MLLT10: variants seen among roughly 807,000 people sequenced by gnomAD.
MLLT10 encodes MLLT10 histone lysine methyltransferase DOT1L cofactor, also known as protein AF-10.
In MLLT10, 30 loss-of-function variants were observed where a neutral mutation model predicts 129.1. The ratio of observed to expected loss-of-function variants is 0.23; its 90% confidence interval spans 0.17 to 0.32. The LOEUF is 0.32. Among genes scored for constraint, MLLT10 ranks in the 10% least tolerant of loss-of-function variants. The pLI, the probability that MLLT10 is intolerant of heterozygous loss-of-function variation, is 1.00. For synonymous variants in MLLT10, 490 were observed against 446.4 expected (o/e 1.10, Z -1.23); for missense variants, 1,119 against 1,268.3 (o/e 0.88, Z 1.79).
In MLLT10 at chr10:21,689,616, T is replaced by TAC. The variant is rs1449363406; in HGVS notation, c.1699+7360_1699+7361insCA. Among the ~76,000 whole-genome samples the TAC allele has an allele frequency of 3.5e-3, 489 of 140,746 alleles. 3 individuals are homozygous for TAC. The highest frequency in any genetic ancestry group is 0.012 in the African/African-American group (450 of 37,720). The allele number at this position is 140,746 out of a possible 152,430, so 92.3% of individuals were successfully genotyped here. ...CGTGTGTGTTTTATATATATATATA[T>TAC]ATACACACACACACACACACACATT... On this transcript the variant is annotated intron_variant, in intron 13 of 22. Transcript: ENST00000307729.
chr10:21,628,431 CTTTTT>C (rs774410121), intron 8 of MLLT10, among the ~76,000 whole-genome samples: 4 of 115,990 alleles, frequency 3.4e-5, no homozygotes, highest in South Asian at 2.7e-4. Flanking sequence ...GATGCTCTCT[CTTTTT>C]TTTTTTTTTT....
chr10:21,648,479 A>G (rs2048724312), intron 8 of MLLT10, among the ~76,000 whole-genome samples: 1 of 152,146 alleles, frequency 6.6e-6, no homozygotes, highest in African/African-American at 2.4e-5. Context: ...TTTGTTATTC[A>G]GGATCATTCA....
chr10:21,547,403 CTT>C (rs756393852), intron 3 of MLLT10, among the ~76,000 whole-genome samples: 52 of 119,114 alleles, frequency 4.4e-4, no homozygotes, highest in Non-Finnish European at 4.5e-4. Flanking sequence ...CTGCTGTTTT[CTT>C]TTTTTTTTTT....
chr10:21,548,918 C>G (rs980034507), intron 3 of MLLT10, among the ~76,000 whole-genome samples: 1 of 151,940 alleles, frequency 6.6e-6, no homozygotes, highest in Admixed American at 6.6e-5. Context: ...TCTTTGTTAA[C>G]TCTGGTGATA....
intron 2 of MLLT10, among the ~76,000 whole-genome samples, chr10:21,535,286 G>C (rs964554746): frequency 2.9e-4 from 44 of 152,202 alleles, no homozygotes; most frequent in Non-Finnish European, 4.7e-4. Context: ...GCTCGGGAAC[G>C]CGGCGCCAGT....
chr10:21,635,283 T>C (rs543321589), intron 8 of MLLT10, among the ~76,000 whole-genome samples: 11 of 152,244 alleles, frequency 7.2e-5, no homozygotes, highest in Non-Finnish European at 1.6e-4. Context: ...TTTCCTTACC[T>C]CCTTGTATTT....
chr10:21,627,491 A>C (rs1277950548), intron 8 of MLLT10, among the ~76,000 whole-genome samples: 2 of 152,194 alleles, frequency 1.3e-5, no homozygotes, highest in Non-Finnish European at 2.9e-5. Context: ...CACAAGTTGC[A>C]TTTAGCTGTC....
intron 5 of MLLT10, among the ~76,000 whole-genome samples, chr10:21,600,368 AACACACACACAC>A (rs199618726): frequency 2.1e-4 from 31 of 144,544 alleles, no homozygotes; most frequent in African/African-American, 6.6e-4. Flanking sequence ...CCTGAGATAG[AACACACACACAC>A]ACACACACAC....
chr10:21,670,477 T>C lies in MLLT10; in HGVS notation c.824T>C (p.Ile275Thr), dbSNP rs777202589. ...TATACAAGCACTAGCAACAACTCTA[T>C]ATCTGGATCATTGAAGCGCTTGGAA... ...KTYTSTSNNS[I>T]SGSLKRLEDT... Residue 275 changes from isoleucine (I) to threonine (T), a missense_variant, in exon 10 of 23, where the codon ATA becomes ACA. Around this residue, in one of 5 missense-constraint regions of MLLT10, gnomAD observed 1,004 missense variants for 1,008.7 expected, o/e 1.00. Transcript: ENST00000307729. 5.0e-6 allele frequency: 8 copies of C among 1,613,942 alleles called. No individual in the cohort carries two copies. The highest frequency in any genetic ancestry group is 5.1e-6 in the Non-Finnish European group (6 of 1,179,980).
chr10:21,681,210 A>G (rs1430908782), intron 11 of MLLT10, 122 bp from the exon 12 acceptor site: 37 of 1,215,474 alleles, frequency 3.0e-5, no homozygotes, highest in East Asian at 4.8e-5. Context: ...TTGAAGTTCT[A>G]GGTGGCCTAC....
intron 3 of MLLT10, among the ~76,000 whole-genome samples, chr10:21,567,062 C>T (rs1489283833): frequency 6.6e-6 from 1 of 152,180 alleles, no homozygotes; most frequent in Admixed American, 6.5e-5. Context: ...ATCCACCCAC[C>T]TCGGCCTCCC....
intron 15 of MLLT10, among the ~76,000 whole-genome samples, chr10:21,727,325 T>G (rs928260851): frequency 1.3e-5 from 2 of 152,224 alleles, no homozygotes; most frequent in Non-Finnish European, 2.9e-5. Flanking sequence ...TCCTACTTGT[T>G]TTTGTCAATT....
chr10:21,699,476 T>G (rs932672650), intron 13 of MLLT10, among the ~76,000 whole-genome samples: 6 of 152,148 alleles, frequency 3.9e-5, no homozygotes, highest in African/African-American at 9.7e-5. Context: ...AGTGTTTTCC[T>G]TGTGTTTTCT....
intron 8 of MLLT10, among the ~76,000 whole-genome samples, chr10:21,649,708 A>T (rs1481552021): frequency 6.6e-6 from 1 of 152,166 alleles, no homozygotes; most frequent in Non-Finnish European, 1.5e-5. Flanking sequence ...GTGTGGAATG[A>T]TTCTTTACAT....
chr10:21,541,983 T>G (rs1196479145), intron 3 of MLLT10, among the ~76,000 whole-genome samples: 1 of 152,212 alleles, frequency 6.6e-6, no homozygotes, highest in Non-Finnish European at 1.5e-5. Flanking sequence ...TGACTTTTTT[T>G]TCTTTGTATC....
Position 21,716,983 on chromosome 10 carries a change from G to A in MLLT10, c.1878+3033G>A, listed in dbSNP as rs1276360319. On this transcript the variant is annotated intron_variant, in intron 14 of 22. Transcript: ENST00000307729. ...TTAAGAACTGTTCCCTGGGCCGGGC[G>A]CAGTGGCTCACACCTGTAATCCCAG... Among the ~76,000 whole-genome samples, 6 of 151,954 alleles carry A rather than the reference G, an allele frequency of 3.9e-5. No individual in the cohort carries two copies. In the South Asian group the frequency reaches 8.3e-4, roughly 21 times the overall value.
chr10:21,587,793 T>C (rs2042131637), intron 4 of MLLT10, among the ~76,000 whole-genome samples: 1 of 152,210 alleles, frequency 6.6e-6, no homozygotes, highest in Non-Finnish European at 1.5e-5. Context: ...GACTATGTTA[T>C]ACAGTCAGAT....
intron 8 of MLLT10, among the ~76,000 whole-genome samples, chr10:21,636,693 G>C (rs2047499208): frequency 6.6e-6 from 1 of 151,784 alleles, no homozygotes; most frequent in Non-Finnish European, 1.5e-5. Context: ...TCCTGCCTCA[G>C]CTTCCCAAGT....
intron 10 of MLLT10, among the ~76,000 whole-genome samples, chr10:21,671,381 C>T (rs987245487): frequency 2.0e-5 from 3 of 152,210 alleles, no homozygotes; most frequent in East Asian, 1.9e-4. Flanking sequence ...GTTGGCCGGG[C>T]GTGGTGGCTC....
Sources: allele counts gnomAD v4.1 joint callset (sites outside exome capture counted in the v4.1 genomes callset), GRCh38; gene constraint gnomAD v4.1.1; regional missense constraint gnomAD v4.1.1; transcripts MANE v1.5; gene names NCBI Gene and HGNC (gene_info 2026-07-23, HGNC 2026-07-21).